The following SPAG16 variants were observed in gnomAD, a reference collection of about 807,000 sequenced individuals.
The protein encoded by SPAG16 is sperm associated antigen 16, also known as sperm-associated antigen 16 protein.
In SPAG16, 86 loss-of-function variants were observed where a neutral mutation model predicts 80.4. The ratio of observed to expected loss-of-function variants is 1.07; its 90% CI spans 0.90 to 1.28. The LOEUF (loss-of-function observed/expected upper bound fraction) is 1.28. Ranked by LOEUF, SPAG16 falls within the 50% of genes most tolerant of loss-of-function variation. SPAG16 has a pLI of 0.00. For synonymous variants in SPAG16, 294 were observed against 265.9 expected, an observed-to-expected ratio of 1.11 and a Z score of -1.03; for missense variants, 870 against 765.3, an observed-to-expected ratio of 1.14 and a Z score of -1.61.
chr2:213,360,910 G>A (rs2065943828), intron 7 of SPAG16, among the ~76,000 whole-genome samples: 1 of 152,228 alleles, frequency 6.6e-6, no homozygotes, highest in Admixed American at 6.5e-5. Flanking sequence ...GTTAAGAGCA[G>A]TAAGACATCT....
chr2:214,203,367 G>A (rs567475226), intron 15 of SPAG16, among the ~76,000 whole-genome samples: 124 of 152,260 alleles, frequency 8.1e-4, no homozygotes, highest in African/African-American at 2.9e-3. Context: ...AGCATGTGGA[G>A]ACTCAAATCG....
At chr2:213,756,996 T>TA (rs1329306396) in intron 10 of SPAG16, among the ~76,000 whole-genome samples, 2 of 152,114 alleles carry the variant, frequency 1.3e-5, no homozygotes, top group South Asian at 2.1e-4. Context: ...ATATTCCACA[T>TA]AAAAAAGCTT....
chr2:213,369,939 CT>C lies in SPAG16; in HGVS notation c.833-5067del, dbSNP rs754472751. Among the ~76,000 whole-genome samples, 7 of 152,276 alleles carry C rather than the reference CT, an allele frequency of 4.6e-5. No individual in the cohort carries two copies. The South Asian group carries it at 1.0e-3, about 23-fold the overall frequency. ...AGTCCATAGTTTACATTAGGGTTCA[CT>C]TTTGATGTTGTACGTTCTGTGGAAT... is the stretch of plus-strand genomic sequence containing the variant. On this transcript the variant is annotated intron_variant, in intron 8 of 15. Coordinates refer to ENST00000331683, the MANE Select transcript of SPAG16 (RefSeq NM_024532.5).
chr2:213,530,683 T>C (rs2076037121), intron 10 of SPAG16, among the ~76,000 whole-genome samples: 1 of 152,184 alleles, frequency 6.6e-6, no homozygotes, highest in African/African-American at 2.4e-5. Context: ...GGCAATAATA[T>C]GAACACTTCC....
At chr2:213,566,152 A>G (rs2059754997) in intron 10 of SPAG16, among the ~76,000 whole-genome samples, 1 of 152,150 alleles carries the variant, frequency 6.6e-6, no homozygotes, top group South Asian at 2.1e-4. Context: ...TGCTGGAGTG[A>G]AGGAGGAGGT....
At chr2:213,678,004 G>C (rs2064180224) in intron 10 of SPAG16, among the ~76,000 whole-genome samples, 1 of 151,918 alleles carries the variant, frequency 6.6e-6, no homozygotes, top group Non-Finnish European at 1.5e-5. Context: ...TGAACAACCT[G>C]CTCCTGAATG....
rs575676449 is a variant in SPAG16 at position 213,741,477 on chromosome 2, G to C, written c.1071-121008G>C. On this transcript the variant is annotated intron_variant, in intron 10 of 15. Coordinates refer to ENST00000331683, the MANE Select transcript of SPAG16 (RefSeq NM_024532.5). ...AATGAGTTAACCTTACCTGTTGAAA[G>C]ACTAAGGAAAAAAAAGTAAACCGCT... is the stretch of plus-strand genomic sequence containing the variant. Among the ~76,000 whole-genome samples the C allele has an allele frequency of 2.8e-4, 42 of 151,868 alleles. No individual in the cohort carries two copies. The East Asian group carries it at 7.9e-3, about 29-fold the overall frequency.
intron 15 of SPAG16, among the ~76,000 whole-genome samples, chr2:214,366,979 TA>T (rs1699518917): frequency 6.6e-6 from 1 of 152,054 alleles, no homozygotes; most frequent in African/African-American, 2.4e-5. Context: ...ACAGAGGTGG[TA>T]AGGAAGGAGA....
chr2:214,326,231 C>T (rs1696470681), intron 15 of SPAG16, among the ~76,000 whole-genome samples: 1 of 152,090 alleles, frequency 6.6e-6, no homozygotes, highest in African/African-American at 2.4e-5. Flanking sequence ...GGAGACAAAA[C>T]AGAACAGAAG....
intron 15 of SPAG16, among the ~76,000 whole-genome samples, chr2:214,351,697 C>G: frequency 6.8e-6 from 1 of 146,420 alleles, no homozygotes; most frequent in East Asian, 2.0e-4. Context: ...AGCGAGACTC[C>G]GTCTCAAAAC....
At chr2:213,674,114 G>A (rs1379799586) in intron 10 of SPAG16, among the ~76,000 whole-genome samples, 2 of 152,072 alleles carry the variant, frequency 1.3e-5, no homozygotes, top group African/African-American at 4.8e-5. Flanking sequence ...TTAATTTGCT[G>A]TGTATTTTAG....
chr2:213,733,744 T>C (rs1334107762), intron 10 of SPAG16, among the ~76,000 whole-genome samples: 1 of 152,090 alleles, frequency 6.6e-6, no homozygotes, highest in Non-Finnish European at 1.5e-5. Flanking sequence ...GAGACTTCTG[T>C]TGTGTTTCTC....
intron 13 of SPAG16, among the ~76,000 whole-genome samples, chr2:214,078,601 T>C (rs2051204523): frequency 6.6e-6 from 1 of 151,892 alleles, no homozygotes; most frequent in Non-Finnish European, 1.5e-5. Context: ...ATTGCAATTA[T>C]CAATGCTTTT....
intron 7 of SPAG16, 90 bp downstream of exon 7, chr2:213,350,735 A>C (rs1350836257): frequency 2.6e-6 from 2 of 758,566 alleles, no homozygotes; most frequent in Non-Finnish European, 4.1e-6. Context: ...TTCTGAGATT[A>C]ATTTTAAAAC....
intron 13 of SPAG16, among the ~76,000 whole-genome samples, chr2:214,068,379 C>T: frequency 6.6e-6 from 1 of 152,000 alleles, no homozygotes; most frequent in East Asian, 1.9e-4. Context: ...GAATAAAAGG[C>T]ATATTTTAAC....
At position 213,990,380 on chromosome 2, in the gene SPAG16, T is replaced by G. The variant is rs189929333; in HGVS notation, c.1401-23571T>G. On this transcript the variant is annotated intron_variant, in intron 12 of 15. Transcript: ENST00000331683. ...CAATGCAATGGTTAGGGGAACCAAC[T>G]GCCCACACAGTCAGAAATCTGAGTA... Among the ~76,000 whole-genome samples, 159 of 152,252 alleles carry G rather than the reference T, an allele frequency of 1.0e-3. 1 individual carries two copies. The highest frequency in any genetic ancestry group is 3.5e-3 in the African/African-American group (146 of 41,556).
At chr2:213,701,218 C>T (rs576599168) in intron 10 of SPAG16, among the ~76,000 whole-genome samples, 28 of 150,680 alleles carry the variant, frequency 1.9e-4, no homozygotes, top group African/African-American at 6.4e-4. Context: ...CCAACCTAGG[C>T]GACAGAGAGA....
intron 4 of SPAG16, among the ~76,000 whole-genome samples, chr2:213,313,357 A>G (rs987607043): frequency 6.6e-6 from 1 of 152,016 alleles, no homozygotes; most frequent in Admixed American, 6.6e-5. Context: ...TAGGCTTATC[A>G]CTCAGAAATT....
intron 10 of SPAG16, among the ~76,000 whole-genome samples, chr2:213,567,168 T>C (rs1283393685): frequency 1.8e-5 from 2 of 108,990 alleles, no homozygotes; most frequent in African/African-American, 1.2e-4. Flanking sequence ...ACAGATTCTT[T>C]TTTTTTTTTT....
Sources: allele counts gnomAD v4.1 joint callset (sites outside exome capture counted in the v4.1 genomes callset), GRCh38; gene constraint gnomAD v4.1.1; transcripts MANE v1.5; gene names NCBI Gene and HGNC (gene_info 2026-07-23, HGNC 2026-07-21).